Variants in ZNF841 observed in about 807,000 individuals in gnomAD.
ZNF841 encodes the protein zinc finger protein 841.
A neutral mutation model predicts 13.0 loss-of-function variants in ZNF841; 11 were observed. The ratio of observed to expected loss-of-function variants is 0.85; its 90% CI spans 0.53 to 1.40. The LOEUF is 1.40. Among genes scored for constraint, ZNF841 ranks in the 40% most tolerant of loss-of-function variants. The pLI is 0.00. For missense variants in ZNF841, 1,068 were observed against 1,139.5 expected, an observed-to-expected ratio of 0.94 and a Z score of 0.90; for synonymous variants, 369 against 381.6, an observed-to-expected ratio of 0.97 and a Z score of 0.38.
At chr19:52,079,997 A>G (rs1164820415) in intron 4 of ZNF841, among the ~76,000 whole-genome samples, 4 of 138,040 alleles carry the variant, frequency 2.9e-5, no homozygotes, top group African/African-American at 9.4e-5. Flanking sequence ...ATCTCAGGGA[A>G]AAAAAAAAAA....
At position 52,064,467 on chromosome 19, in the gene ZNF841, A is replaced by G. The variant is rs2087473726; in HGVS notation, c.*640T>C. On this transcript the variant is annotated 3_prime_UTR_variant, in exon 7 of 7. Transcript: ENST00000594440. ...AGACAGAAATACCTGAGGCTAGGTA[A>G]TGTATAAAGAGGTTTAATTGACTCA... The G allele has an allele frequency of 6.6e-6, 1 of 152,496 alleles. No homozygotes were observed. The highest frequency in any genetic ancestry group is 2.4e-5 in the African/African-American group (1 of 41,272). The allele number at this position is 152,496 out of a possible 1,614,324, so 9.4% of individuals were successfully genotyped here.
chr19:52,087,298 A>G (rs2088306286), intron 3 of ZNF841, among the ~76,000 whole-genome samples: 1 of 152,300 alleles, frequency 6.6e-6, no homozygotes, highest in East Asian at 1.9e-4. Flanking sequence ...TGTTGTACAC[A>G]TTATTTCATC....
chr19:52,074,168 A>G (rs1451239304), intron 6 of ZNF841, among the ~76,000 whole-genome samples: 1 of 152,198 alleles, frequency 6.6e-6, no homozygotes, highest in African/African-American at 2.4e-5. Flanking sequence ...AAAGAAGGAA[A>G]TCTTGTAAAA....
At position 52,066,824 on chromosome 19, in the gene ZNF841, G is replaced by T. The variant is rs926926908; in HGVS notation, c.1058C>A (p.Ser353Tyr). 4 of 1,613,582 alleles carry T rather than the reference G, an allele frequency of 2.5e-6. No homozygotes were observed. The African/African-American group carries it at 4.0e-5, about 16-fold the overall frequency. Reference protein sequence around the residue: ...KPYICNECGKSFSKSSHLAVH... With the variant: ...KPYICNECGKYFSKSSHLAVH... ...TGCAAGGTGGGAACTTTTACTAAAG[G>T]ACTTGCCACATTCATTACATATGTA... Residue 353 changes from serine to tyrosine, a missense_variant, in exon 7 of 7, where the codon TCC becomes TAC. By Grantham distance (144) the Ser-to-Tyr change is moderately radical. Transcript: ENST00000594440.
At position 52,085,639 on chromosome 19, in the gene ZNF841, T is replaced by C. The variant is rs542247327; in HGVS notation, c.-77-761A>G. ...GAACAAAGACCTCAAGAAGGAAGGA[T>C]GTTTGCACCTGCAGCTGAGGGGCCA... is the stretch of plus-strand genomic sequence containing the variant. On this transcript the variant is annotated intron_variant, in intron 3 of 6. Coordinates refer to ENST00000594440, the MANE Select transcript of ZNF841 (RefSeq NM_001136499.2). 6.3e-4 allele frequency among the ~76,000 whole-genome samples: 96 copies of C among 152,208 alleles called. 1 individual carries two copies. The highest frequency in any genetic ancestry group is 2.1e-3 in the African/African-American group (88 of 41,544).
At chr19:52,073,771 A>G (rs1406133642) in intron 6 of ZNF841, among the ~76,000 whole-genome samples, 6 of 152,242 alleles carry the variant, frequency 3.9e-5, no homozygotes, top group African/African-American at 1.4e-4. Flanking sequence ...CATGATGGAC[A>G]TGAATGTAGA....
In ZNF841 at chr19:52,066,846, T is replaced by C. The variant is rs747950668; in HGVS notation, c.1036A>G (p.Ile346Val). ...AAGGACTTGCCACATTCATTACATA[T>C]GTAGGGTTTGTCTCCAGTGTGACTT... ...RRSHTGDKPY[I>V]CNECGKSFSK... The change falls in exon 7 of 7, where the codon ATA becomes GTA. Residue 346 changes from isoleucine (I) to valine (V), a missense_variant. Physicochemically the swap from Ile to Val is conservative, Grantham distance 29 (BLOSUM62 3). Transcript: ENST00000594440. 4.3e-6 allele frequency: 7 copies of C among 1,614,194 alleles called. No individual in the cohort carries two copies. The highest frequency in any genetic ancestry group is 4.5e-5 in the East Asian group (2 of 44,876).
chr19:52,069,843 T>A (rs2087690801), intron 6 of ZNF841, among the ~76,000 whole-genome samples: 1 of 152,190 alleles, frequency 6.6e-6, no homozygotes, highest in Admixed American at 6.5e-5. Flanking sequence ...ACCCTATCTA[T>A]GGTATCTGAT....
At chr19:52,064,304 C>T (rs1013392813), downstream of ZNF841, among the ~76,000 whole-genome samples, 15 of 141,500 alleles carry the variant, frequency 1.1e-4, no homozygotes, top group African/African-American at 3.9e-4. Flanking sequence ...CGAGATTGCG[C>T]CACTGCAGTC....
downstream of ZNF841, among the ~76,000 whole-genome samples, chr19:52,062,296 A>G (rs1361304472): frequency 1.3e-5 from 2 of 152,186 alleles, no homozygotes; most frequent in East Asian, 3.8e-4. Context: ...GCAACAAGTG[A>G]CAGAAGTGAA....
In ZNF841 at chr19:52,065,356, GT is replaced by G. The variant is rs775543073; in HGVS notation, c.2525del (p.Asn842ThrfsTer56). The G allele has an allele frequency of 3.1e-6, 5 of 1,607,450 alleles. No individual in the cohort carries two copies. The South Asian group carries it at 5.5e-5, about 18-fold the overall frequency. On this transcript the variant is annotated frameshift_variant, in exon 7 of 7. Transcript: ENST00000594440. LOFTEE classifies it low-confidence loss of function (END_TRUNC). ...ERSNLVYHQR[N>X]HTGEKPYKCM... ...ATTTGTATGGCTTCTCTCCAGTATG[GT>G]TTCTCTGATGGTAAACCAAGTTTGA...
In ZNF841 at chr19:52,065,452, A is replaced by G. The variant is rs781724866; in HGVS notation, c.2430T>C (p.Asn810=). The G allele has an allele frequency of 6.2e-7, 1 of 1,613,796 alleles. No homozygotes were observed. The highest frequency in any genetic ancestry group is 1.7e-5 in the Admixed American group (1 of 59,982). ...KAFRVRSILL[N]HQMMHTGEKP... is the part of the protein sequence containing the mutation. Reference sequence around the variant, plus strand: ...TCTCTCCAGTATGCATCATCTGATGATTAAGCAGAATTGAACGTACTCTAA... The same window carrying G: ...TCTCTCCAGTATGCATCATCTGATGGTTAAGCAGAATTGAACGTACTCTAA... Residue 810 remains asparagine (N), a synonymous_variant, in exon 7 of 7, where the codon AAT becomes AAC. Transcript: ENST00000594440.
chr19:52,078,759 A>G (rs1433242602), intron 4 of ZNF841, among the ~76,000 whole-genome samples: 1 of 152,062 alleles, frequency 6.6e-6, no homozygotes, highest in African/African-American at 2.4e-5. Context: ...GAAACATTTA[A>G]GATATAATTT....
chr19:52,065,405 C>T lies in ZNF841; in HGVS notation c.2477G>A (p.Cys826Tyr). The T allele has an allele frequency of 3.7e-6, 6 of 1,611,910 alleles. No individual in the cohort carries two copies. Among genetic ancestry groups the T allele is most frequent in the Non-Finnish European group, 5.1e-6 (6 of 1,178,800 alleles). ...TGACCTTTCGATAAAAGCTTTACCA[C>T]ATTCATTACATTTATAAGGTTTCTC... ...TGEKPYKCNE[C>Y]GKAFIERSNL... The change falls in exon 7 of 7, where the codon TGT becomes TAT. Residue 826 changes from cysteine (C) to tyrosine (Y), a missense_variant. By Grantham distance (194) the Cys-to-Tyr change is radical. Transcript: ENST00000594440.
intron 2 of ZNF841, among the ~76,000 whole-genome samples, chr19:52,092,232 T>C (rs531899627): frequency 6.6e-6 from 1 of 152,286 alleles, no homozygotes; most frequent in East Asian, 1.9e-4. Context: ...GAAGTATGTA[T>C]CTGCAAACCA....
At position 52,067,067 on chromosome 19, in the gene ZNF841, A is replaced by C; in HGVS notation, c.815T>G (p.Val272Gly). ...IGNECGKAFR[V>G]SSSLINHQMI... ...CTGATGATTAATAAGACTTGAAGAC[A>C]CTCTGAAGGCTTTGCCACACTCATT... The change falls in exon 7 of 7, where the codon GTG becomes GGG. Residue 272 changes from valine to glycine, a missense_variant. Coordinates refer to ENST00000594440, the MANE Select transcript of ZNF841 (RefSeq NM_001136499.2). 1 of 1,608,896 alleles carries C rather than the reference A, an allele frequency of 6.2e-7. No homozygotes were observed. Among genetic ancestry groups the C allele is most frequent in the Non-Finnish European group, 8.5e-7 (1 of 1,177,058 alleles).
chr19:52,094,424 T>C (rs981809738), intron 1 of ZNF841, among the ~76,000 whole-genome samples: 3 of 152,126 alleles, frequency 2.0e-5, no homozygotes, highest in African/African-American at 7.2e-5. Context: ...TCCTTTTCTG[T>C]TTTGCACCCC....
At position 52,089,497 on chromosome 19, in the gene ZNF841, AACAGCCGGACATGGTG is replaced by A. The variant is rs112070807; in HGVS notation, c.-143-511_-143-496del. On this transcript the variant is annotated intron_variant, in intron 2 of 6. Transcript: ENST00000594440. The stretch of plus-strand genomic sequence containing the variant: ...GAGTCTACTAAAAAATACAAAAAAA[AACAGCCGGACATGGTG>A]ACACACGCTTGTAGTTTCAGCTACT... 4.1e-4 allele frequency among the ~76,000 whole-genome samples: 62 copies of A among 152,196 alleles called. 2 individuals carry two copies. Among genetic ancestry groups the A allele is most frequent in the African/African-American group, 1.4e-3 (59 of 41,510 alleles).
chr19:52,058,968 T>G, the ZNF841 span: 1 of 153,192 alleles, frequency 6.5e-6, no homozygotes. Flanking sequence ...TTAACCCAAT[T>G]TATAGATTTA....
Sources: gnomAD v4.1 joint callset for allele counts (sites outside exome capture counted in the v4.1 genomes callset) on GRCh38, gnomAD v4.1.1 for gene constraint, MANE v1.5 for transcripts, NCBI Gene and HGNC (gene_info 2026-07-23, HGNC 2026-07-21) for gene names.